SH3BP2: variants seen among roughly 807,000 people sequenced by gnomAD.
SH3BP2 encodes SH3 domain-binding protein 2.
SH3BP2 carries 38 observed loss-of-function variants against 56.2 expected under a neutral mutation model. That is an observed-to-expected ratio of 0.68 (90% confidence interval 0.52 to 0.89). The LOEUF (loss-of-function observed/expected upper bound fraction) is 0.89. Ranked by LOEUF, SH3BP2 falls within the 40% of genes least tolerant of loss-of-function variation. The pLI is 0.00. For synonymous variants in SH3BP2, 346 were observed against 316.7 expected, an observed-to-expected ratio of 1.09 and a Z score of -0.98; for missense variants, 748 against 762.6, an observed-to-expected ratio of 0.98 and a Z score of 0.23.
At chr4:2,830,257 G>A (rs1490909755) in intron 8 of SH3BP2, 110 bp downstream of exon 8, 2 of 1,070,750 alleles carry the variant, frequency 1.9e-6, no homozygotes, top group South Asian at 1.6e-5. Context: ...AGCCCACGAC[G>A]GGGTACCAGG....
chr4:2,815,662 G>A (rs1723961840), intron 1 of SH3BP2, among the ~76,000 whole-genome samples: 1 of 152,216 alleles, frequency 6.6e-6, no homozygotes, highest in Non-Finnish European at 1.5e-5. Context: ...ATAGCTTTTG[G>A]GTGGCGGGGG....
At chr4:2,815,555 C>T (rs1278169636) in intron 1 of SH3BP2, among the ~76,000 whole-genome samples, 1 of 152,252 alleles carries the variant, frequency 6.6e-6, no homozygotes, top group Admixed American at 6.5e-5. Context: ...GTAACTCTTC[C>T]TGCTGAGCCT....
chr4:2,838,401 C>T lies in SH3BP2; in HGVS notation c.*4567C>T, dbSNP rs1283112128. The T allele has an allele frequency of 1.3e-5, 2 of 152,226 alleles. No individual in the cohort carries two copies. The highest frequency in any genetic ancestry group is 1.3e-4 in the Admixed American group (2 of 15,272). The allele number at this position is 152,226 out of a possible 1,614,324, so 9.4% of individuals were successfully genotyped here. A position where few individuals can be genotyped will look rare whatever the true frequency, so the allele number is the denominator to read the frequency against. On this transcript the variant is annotated 3_prime_UTR_variant, in exon 13 of 13. Coordinates refer to ENST00000503393, the MANE Select transcript of SH3BP2 (RefSeq NM_001122681.2). ...CCCTTGAATCATACAGATGCAAATT[C>T]TGGCAGCTGGCTTCTTTGGCTCGTT... is the stretch of plus-strand genomic sequence containing the variant.
At chr4:2,794,303 G>C (rs985078958) in intron 1 of SH3BP2, 1 of 152,396 alleles carries the variant, frequency 6.6e-6, no homozygotes, top group Non-Finnish European at 1.5e-5. Flanking sequence ...ACAAGCTCCT[G>C]CCCTCACTGG....
At chr4:2,824,767 G>C in intron 4 of SH3BP2, 37 bp downstream of exon 4, 1 of 1,482,228 alleles carries the variant, frequency 6.7e-7, no homozygotes, top group South Asian at 1.1e-5. Flanking sequence ...AAGGTGACTG[G>C]GGGTGTGGGC....
chr4:2,816,740 ATTGTTTTGAATATTAAACCATCC>A (rs1465679461), intron 1 of SH3BP2, among the ~76,000 whole-genome samples: 2 of 152,172 alleles, frequency 1.3e-5, no homozygotes, highest in African/African-American at 4.8e-5. Flanking sequence ...TATTACATTA[ATTGTTTTGAATATTAAACCATCC>A]TTGTATTCCT....
At chr4:2,805,291 G>T (rs1382248390) in intron 1 of SH3BP2, among the ~76,000 whole-genome samples, 4 of 152,222 alleles carry the variant, frequency 2.6e-5, no homozygotes, top group Non-Finnish European at 4.4e-5. Flanking sequence ...TGCTGCCCTT[G>T]CCTATCGATG....
chr4:2,797,753 G>A (rs1199453180), intron 1 of SH3BP2, among the ~76,000 whole-genome samples: 2 of 152,172 alleles, frequency 1.3e-5, no homozygotes, highest in African/African-American at 4.8e-5. Flanking sequence ...TCGCGTCTGA[G>A]AGCCCATGCC....
At chr4:2,818,325 G>T in intron 1 of SH3BP2, 1 of 1,143,454 alleles carries the variant, frequency 8.7e-7, no homozygotes, top group Non-Finnish European at 1.1e-6. Flanking sequence ...GGCCGTGCCG[G>T]TGCTCGCAGG....
In SH3BP2 at chr4:2,824,606, C is replaced by A; in HGVS notation, c.240-7C>A. 6.2e-7 allele frequency: 1 copy of A among 1,604,402 alleles called. No individual in the cohort carries two copies. Among genetic ancestry groups the A allele is most frequent in the Non-Finnish European group, 8.5e-7 (1 of 1,172,084 alleles). On this transcript the variant is annotated splice_polypyrimidine_tract_variant and splice_region_variant and intron_variant, in intron 3 of 12. Transcript: ENST00000503393. Reference sequence around the variant, plus strand: ...CCAGGCCGTGACCCCTGGCGCTGTGCCCCCAGGGTGATGCGGGCGGCTGAG... The same window carrying A: ...CCAGGCCGTGACCCCTGGCGCTGTGACCCCAGGGTGATGCGGGCGGCTGAG...
chr4:2,809,964 G>A (rs565792556), intron 1 of SH3BP2: 2 of 259,308 alleles, frequency 7.7e-6, no homozygotes, highest in Admixed American at 6.5e-5. Context: ...AGGCGGCCCC[G>A]GCCATGCCCC....
intron 1 of SH3BP2, among the ~76,000 whole-genome samples, chr4:2,805,585 G>A (rs948395473): frequency 2.6e-5 from 4 of 152,232 alleles, no homozygotes; most frequent in Non-Finnish European, 5.9e-5. Context: ...AGGACATGGG[G>A]GACGGACATG....
At chr4:2,823,449 G>C (rs1724417943) in intron 3 of SH3BP2, 1 of 459,272 alleles carries the variant, frequency 2.2e-6, no homozygotes, top group Non-Finnish European at 4.4e-6. Flanking sequence ...CTGGGCCCTA[G>C]GATTCCCTGC....
chr4:2,822,578 A>G (rs1166602660), intron 2 of SH3BP2, among the ~76,000 whole-genome samples: 1 of 152,138 alleles, frequency 6.6e-6, no homozygotes, highest in East Asian at 1.9e-4. Context: ...AGCCTCCAAC[A>G]GCCCTGCAGC....
At chr4:2,814,242 A>G (rs1190549065) in intron 1 of SH3BP2, among the ~76,000 whole-genome samples, 1 of 152,246 alleles carries the variant, frequency 6.6e-6, no homozygotes, top group Non-Finnish European at 1.5e-5. Context: ...TGCACAGGCC[A>G]TGACCACACA....
chr4:2,804,826 G>A (rs1723464838), intron 1 of SH3BP2, among the ~76,000 whole-genome samples: 1 of 152,272 alleles, frequency 6.6e-6, no homozygotes. Flanking sequence ...TTGTAGGGGT[G>A]GGCCAGGTGG....
intron 1 of SH3BP2, among the ~76,000 whole-genome samples, chr4:2,814,039 A>G (rs185136191): frequency 2.0e-5 from 3 of 152,322 alleles, no homozygotes; most frequent in South Asian, 2.1e-4. Flanking sequence ...CTGTGGTCAC[A>G]TGAGGTGCTG....
chr4:2,822,354 C>T (rs1310849191), intron 2 of SH3BP2, among the ~76,000 whole-genome samples: 2 of 152,110 alleles, frequency 1.3e-5, no homozygotes, highest in Non-Finnish European at 2.9e-5. Context: ...TGGGGTTTCA[C>T]ATGTTGCTCA....
intron 7 of SH3BP2, among the ~76,000 whole-genome samples, chr4:2,828,567 G>A (rs925436504): frequency 2.0e-5 from 3 of 152,086 alleles, no homozygotes; most frequent in Admixed American, 6.6e-5. Flanking sequence ...CTGTCCCTTC[G>A]CCCACACACT....
Sources: allele counts gnomAD v4.1 joint callset (sites outside exome capture counted in the v4.1 genomes callset), GRCh38; gene constraint gnomAD v4.1.1; transcripts MANE v1.5; gene names NCBI Gene and HGNC (gene_info 2026-07-23, HGNC 2026-07-21).